Variants in ESF1 observed in about 807,000 individuals in gnomAD.
ESF1 encodes ESF1 nucleolar pre-rRNA processing protein, also known as ESF1 homolog.
Under a neutral mutation model 92.0 loss-of-function variants are expected in ESF1, and 58 were observed. That is an observed-to-expected ratio of 0.63 (90% CI 0.51 to 0.78). The LOEUF is 0.78. Ranked by LOEUF, ESF1 falls within the 30% of genes least tolerant of loss-of-function variation. The pLI is 0.00. For missense variants in ESF1, 922 were observed against 989.1 expected (o/e 0.93, Z 0.91); for synonymous variants, 321 against 313.7 (o/e 1.02, Z -0.24).
chr20:13,716,649 T>C (rs1397607184), intron 13 of ESF1, among the ~76,000 whole-genome samples: 3 of 149,938 alleles, frequency 2.0e-5, no homozygotes, highest in Non-Finnish European at 3.0e-5. Flanking sequence ...TTTCTTTTTT[T>C]TTTTTTTTTG....
At chr20:13,746,455 C>G (rs1401174089) in intron 9 of ESF1, among the ~76,000 whole-genome samples, 2 of 152,138 alleles carry the variant, frequency 1.3e-5, no homozygotes, top group Non-Finnish European at 2.9e-5. Flanking sequence ...CAGTTACTCC[C>G]CATCAAAATG....
At chr20:13,717,245 C>T in intron 13 of ESF1, 123 bp downstream of exon 13, 1 of 1,176,494 alleles carries the variant, frequency 8.5e-7, no homozygotes, top group East Asian at 2.3e-5. Context: ...TAGGCGTGAG[C>T]CACTGCACCG....
In ESF1 at chr20:13,732,578, G is replaced by C. The variant is rs181379610; in HGVS notation, c.1950+1143C>G. Among the ~76,000 whole-genome samples, 684 of 152,274 alleles carry C rather than the reference G, an allele frequency of 4.5e-3. 2 individuals carry two copies. The highest frequency in any genetic ancestry group is 8.1e-3 in the Non-Finnish European group (553 of 68,026). ...CTGGTCTGAGTAACTGTGGATTCTGGTCTCAGCTTGGCCACTGGTATGCTA... is the reference window on the plus strand; with the variant it reads ...CTGGTCTGAGTAACTGTGGATTCTGCTCTCAGCTTGGCCACTGGTATGCTA... On this transcript the variant is annotated intron_variant, in intron 10 of 13. Coordinates refer to ENST00000617257, the MANE Select transcript of ESF1 (RefSeq NM_001276380.2).
chr20:13,749,155 T>G (rs1380040534), intron 9 of ESF1, among the ~76,000 whole-genome samples: 1 of 150,142 alleles, frequency 6.7e-6, no homozygotes, highest in African/African-American at 2.5e-5. Context: ...AACCTCCACC[T>G]CCTGGGTTCA....
intron 5 of ESF1, among the ~76,000 whole-genome samples, chr20:13,771,912 CT>C (rs5840576): frequency 0.79 from 102,021 of 128,692 alleles, 40,990 homozygotes; most frequent in East Asian, 0.91. Context: ...ACAACACATT[CT>C]TTTTTTTTTT....
intron 2 of ESF1, among the ~76,000 whole-genome samples, chr20:13,781,731 G>A (rs913064604): frequency 3.3e-5 from 5 of 152,156 alleles, no homozygotes; most frequent in Admixed American, 1.3e-4. Context: ...ATAAGCTAGC[G>A]ACAGCCCTGA....
At chr20:13,782,447 A>T (rs1980233864) in intron 2 of ESF1, 57 bp downstream of exon 2, 3 of 1,362,234 alleles carry the variant, frequency 2.2e-6, no homozygotes, top group Admixed American at 5.4e-5. Flanking sequence ...TTTTTGAAAG[A>T]TCAGTATAAA....
chr20:13,728,856 G>A (rs2049921798), intron 10 of ESF1, among the ~76,000 whole-genome samples: 1 of 149,862 alleles, frequency 6.7e-6, no homozygotes, highest in African/African-American at 2.5e-5. Context: ...AACAGAGCGA[G>A]ACTCCATCTC....
At position 13,772,613 on chromosome 20, in the gene ESF1, T is replaced by C. The variant is rs767436397; in HGVS notation, c.1152A>G (p.Ile384Met). Residue 384 changes from isoleucine (I) to methionine (M), a missense_variant and splice_region_variant, in exon 5 of 14, where the codon ATA becomes ATG. Coordinates refer to ENST00000617257, the MANE Select transcript of ESF1 (RefSeq NM_001276380.2). ...PKGGVIFSVK[I>M]YPSEFGKERM... The stretch of plus-strand genomic sequence containing the variant: ...TCTCCTTTCCAAATTCTGAAGGATA[T>C]ATCTAAACAGAAAAAAATAGGATCA... 17 of 1,600,782 alleles carry C rather than the reference T, an allele frequency of 1.1e-5. No homozygotes were observed. The highest frequency in any genetic ancestry group is 1.5e-5 in the Non-Finnish European group (17 of 1,169,216).
At chr20:13,734,570 T>C (rs1273893705) in intron 9 of ESF1, among the ~76,000 whole-genome samples, 1 of 152,172 alleles carries the variant, frequency 6.6e-6, no homozygotes, top group African/African-American at 2.4e-5. Flanking sequence ...TCTTATGCAA[T>C]AACTAGAGGG....
intron 9 of ESF1, among the ~76,000 whole-genome samples, chr20:13,735,544 G>T (rs963144527): frequency 6.6e-6 from 1 of 152,150 alleles, no homozygotes; most frequent in African/African-American, 2.4e-5. Flanking sequence ...ATGTTCATTT[G>T]AGAGAAAGCA....
rs528994605 is a variant in ESF1 at position 13,779,622 on chromosome 20, C to T, written c.637+2882G>A. On this transcript the variant is annotated intron_variant, in intron 2 of 13. Transcript: ENST00000617257. ...CGATCTTGGCTCACTGCAACCTCTA[C>T]CTCCTGGGTTCAAGTGATTCTCGTG... Among the ~76,000 whole-genome samples, 6 of 152,316 alleles carry T rather than the reference C, an allele frequency of 3.9e-5. No individual in the cohort carries two copies. The South Asian group carries it at 1.2e-3, about 32-fold the overall frequency.
intron 9 of ESF1, among the ~76,000 whole-genome samples, chr20:13,747,317 T>C (rs890490409): frequency 8.0e-5 from 12 of 150,548 alleles, no homozygotes; most frequent in African/African-American, 4.9e-5. Context: ...TCCTAGCATT[T>C]TGAGAGGCTG....
chr20:13,775,044 A>T, intron 4 of ESF1, 113 bp downstream of exon 4: 1 of 647,096 alleles, frequency 1.5e-6, no homozygotes, highest in Non-Finnish European at 2.6e-6. Flanking sequence ...TGGATTGGAC[A>T]ACTTCCACAG....
In ESF1 at chr20:13,782,739, A is replaced by T. The variant is rs1329878899; in HGVS notation, c.402T>A (p.Ser134=). ...AGGTTTTCATTTTTTTAATTCCTAT[A>T]GAATTATCTAAATCAGTTTTATTTT... is the stretch of plus-strand genomic sequence containing the variant. ...GSENKTDLDN[S]IGIKKMKTSC... Residue 134 remains serine (S), a synonymous_variant, in exon 2 of 14, where the codon TCT becomes TCA. Transcript: ENST00000617257. 5.7e-6 allele frequency: 9 copies of T among 1,592,104 alleles called. No individual in the cohort carries two copies. The highest frequency in any genetic ancestry group is 7.7e-6 in the Non-Finnish European group (9 of 1,173,626).
intron 9 of ESF1, among the ~76,000 whole-genome samples, chr20:13,748,878 T>C (rs1978461424): frequency 6.6e-6 from 1 of 151,738 alleles, no homozygotes; most frequent in South Asian, 2.1e-4. Flanking sequence ...TGAGCCACCA[T>C]GCCCAGCCCC....
intron 8 of ESF1, among the ~76,000 whole-genome samples, chr20:13,761,683 T>G (rs930841948): frequency 6.6e-6 from 1 of 152,196 alleles, no homozygotes; most frequent in African/African-American, 2.4e-5. Flanking sequence ...TAGGAGTTAC[T>G]TCAATTAATT....
chr20:13,761,978 C>T (rs1979221543), intron 8 of ESF1, among the ~76,000 whole-genome samples: 1 of 152,184 alleles, frequency 6.6e-6, no homozygotes, highest in Non-Finnish European at 1.5e-5. Flanking sequence ...GCTAACTGCT[C>T]ACCAAAAATG....
chr20:13,739,717 A>T (rs1175682821), intron 9 of ESF1, among the ~76,000 whole-genome samples: 2 of 149,938 alleles, frequency 1.3e-5, no homozygotes, highest in African/African-American at 5.0e-5. Flanking sequence ...ACAGTAAGAA[A>T]GTTCAAAAAA....
Sources: gnomAD v4.1 joint callset for allele counts (sites outside exome capture counted in the v4.1 genomes callset) on GRCh38, gnomAD v4.1.1 for gene constraint, MANE v1.5 for transcripts, NCBI Gene and HGNC (gene_info 2026-07-23, HGNC 2026-07-21) for gene names.